KDM1A: variants seen among roughly 807,000 people sequenced by gnomAD.
The protein encoded by KDM1A is lysine-specific histone demethylase 1A.
Under a neutral mutation model 109.4 loss-of-function variants are expected in KDM1A, and 49 were observed. The observed-to-expected ratio is 0.45, with a 90% CI of 0.36 to 0.57. The LOEUF is 0.57. Among genes scored for constraint, KDM1A ranks in the 20% least tolerant of loss-of-function variants. The pLI, the probability that KDM1A is intolerant of heterozygous loss-of-function variation, is 0.00. For missense variants in KDM1A, 668 were observed against 1,116.6 expected, an observed-to-expected ratio of 0.60 and a Z score of 5.73; for synonymous variants, 380 against 415.4, an observed-to-expected ratio of 0.91 and a Z score of 1.04.
At position 23,050,438 on chromosome 1, in the gene KDM1A, C is replaced by A; in HGVS notation, c.629C>A (p.Ser210Tyr). The change falls in exon 4 of 21, where the codon TCT becomes TAT. Residue 210 changes from serine (S) to tyrosine (Y), a missense_variant. Physicochemically the swap from Ser to Tyr is moderately radical, Grantham distance 144 (BLOSUM62 -2). Coordinates refer to ENST00000400181, the MANE Select transcript of KDM1A (RefSeq NM_001009999.3). Reference sequence around the variant, plus strand: ...CGACTTCCTCATGACCGGATGACTTCTCAAGAAGCAGCCTGTTTTCCAGAT... The same window carrying A: ...CGACTTCCTCATGACCGGATGACTTATCAAGAAGCAGCCTGTTTTCCAGAT... ...QSRLPHDRMT[S>Y]QEAACFPDII... 6.2e-7 allele frequency: 1 copy of A among 1,613,656 alleles called. No homozygotes were observed. The highest frequency in any genetic ancestry group is 8.5e-7 in the Non-Finnish European group (1 of 1,179,766).
chr1:23,034,744 A>G (rs923379252), intron 2 of KDM1A, among the ~76,000 whole-genome samples: 3 of 152,338 alleles, frequency 2.0e-5, no homozygotes, highest in East Asian at 1.9e-4. Flanking sequence ...AACTCAAGAT[A>G]CATTCTGAGT....
In KDM1A at chr1:23,019,603, T is replaced by C. The variant is rs777155651; in HGVS notation, c.7T>C (p.Ser3Pro). The C allele has an allele frequency of 7.0e-7, 1 of 1,427,020 alleles. No individual in the cohort carries two copies. Among genetic ancestry groups the C allele is most frequent in the Admixed American group, 2.8e-5 (1 of 35,198 alleles). The allele number at this position is 1,427,020 out of a possible 1,614,324, so 88.4% of individuals were successfully genotyped here. A position where few individuals can be genotyped will look rare whatever the true frequency, so the allele number is the denominator to read the frequency against. Residue 3 changes from serine to proline, a missense_variant, in exon 1 of 21, where the codon TCT becomes CCT. This residue lies in a region of KDM1A where 156 missense variants were observed against 163.4 expected (regional missense o/e 0.95). Transcript: ENST00000400181. ...GGCGGCCCGGCGGCCCGAGATGTTATCTGGGAAGAAGGCGGCAGCCGCGGC... is the reference window on the plus strand; with the variant it reads ...GGCGGCCCGGCGGCCCGAGATGTTACCTGGGAAGAAGGCGGCAGCCGCGGC... The part of the protein sequence containing the change: ML[S>P]GKKAAAAAAA...
intron 2 of KDM1A, among the ~76,000 whole-genome samples, chr1:23,032,264 A>G (rs942470113): frequency 2.6e-5 from 4 of 152,002 alleles, no homozygotes; most frequent in African/African-American, 9.7e-5. Flanking sequence ...TGTCTCCAGT[A>G]AATAATTGAT....
At chr1:23,028,220 C>T (rs748848933) in intron 1 of KDM1A, among the ~76,000 whole-genome samples, 88 of 152,202 alleles carry the variant, frequency 5.8e-4, no homozygotes, top group Non-Finnish European at 1.0e-3. Context: ...GGTGCGATCA[C>T]AGATTGCACC....
chr1:23,063,879 A>G (rs191422044), intron 9 of KDM1A, among the ~76,000 whole-genome samples: 3 of 152,304 alleles, frequency 2.0e-5, no homozygotes, highest in Admixed American at 2.0e-4. Flanking sequence ...CAGTCTCTAT[A>G]GAATCACATT....
intron 5 of KDM1A, among the ~76,000 whole-genome samples, chr1:23,054,594 TG>T (rs1642770494): frequency 6.6e-6 from 1 of 152,112 alleles, no homozygotes; most frequent in African/African-American, 2.4e-5. Context: ...CCATCATGCA[TG>T]GCTAATTCTT....
chr1:23,058,340 A>G (rs1642899315), intron 8 of KDM1A, among the ~76,000 whole-genome samples: 1 of 152,084 alleles, frequency 6.6e-6, no homozygotes, highest in African/African-American at 2.4e-5. Context: ...CGGCCTCCCA[A>G]AGTGCTAGGA....
chr1:23,051,029 G>A (rs1248070244), intron 4 of KDM1A, among the ~76,000 whole-genome samples: 1 of 152,128 alleles, frequency 6.6e-6, no homozygotes, highest in East Asian at 1.9e-4. Context: ...AGGTTGCAGT[G>A]AGCCGAGATC....
Position 23,050,485 on chromosome 1 carries a change from AC to A in KDM1A, c.679del (p.Gln227ArgfsTer23). ...AGATATTATCAGTGGACCACAACAG[AC>A]CCAGAAGGTTTTTCTTTTCATTAGA... Reference protein sequence around the residue: ...FPDIISGPQQTQKVFLFIRNR... With the variant: ...FPDIISGPQQXQKVFLFIRNR... On this transcript the variant is annotated frameshift_variant, in exon 4 of 21. Transcript: ENST00000400181. LOFTEE classifies it high-confidence loss of function. 6.2e-7 allele frequency: 1 copy of A among 1,610,820 alleles called. No homozygotes were observed. Among genetic ancestry groups the A allele is most frequent in the Non-Finnish European group, 8.5e-7 (1 of 1,178,576 alleles).
intron 15 of KDM1A, among the ~76,000 whole-genome samples, chr1:23,076,267 T>A (rs1282700801): frequency 1.3e-5 from 2 of 152,136 alleles, no homozygotes; most frequent in Non-Finnish European, 2.9e-5. Flanking sequence ...AAAAAAATGT[T>A]ACATAGAAAA....
rs755848832 is a variant in KDM1A, at chr1:23,069,161, T to A, written c.1413+10T>A. On this transcript the variant is annotated intron_variant, in intron 12 of 20. Transcript: ENST00000400181. The stretch of plus-strand genomic sequence containing the variant: ...AGAACTTCTTAATAAGGTGAAATTC[T>A]GTATTTTCTTCATAGCTGAAGAAGC... The A allele has an allele frequency of 3.3e-6, 5 of 1,518,348 alleles. No individual in the cohort carries two copies. In the African/African-American group the frequency reaches 6.9e-5, roughly 21 times the overall value. The allele number at this position is 1,518,348 out of a possible 1,614,324, so 94.1% of individuals were successfully genotyped here.
chr1:23,078,213 G>A (rs940638318), intron 16 of KDM1A, among the ~76,000 whole-genome samples: 4 of 152,116 alleles, frequency 2.6e-5, no homozygotes, highest in Non-Finnish European at 5.9e-5. Context: ...TCCCATCAGA[G>A]GCAGCTTGTA....
intron 2 of KDM1A, among the ~76,000 whole-genome samples, chr1:23,031,643 T>C (rs1277908354): frequency 6.6e-6 from 1 of 152,156 alleles, no homozygotes; most frequent in Non-Finnish European, 1.5e-5. Context: ...TACTGATGCT[T>C]CACTTTAGGG....
chr1:23,076,198 G>A (rs1430810775), intron 15 of KDM1A, among the ~76,000 whole-genome samples: 1 of 152,092 alleles, frequency 6.6e-6, no homozygotes, highest in African/African-American at 2.4e-5. Flanking sequence ...TGCCAGCCCA[G>A]TATTTTGATC....
At position 23,079,480 on chromosome 1, in the gene KDM1A, C is replaced by T; in HGVS notation, c.2056-73C>T. 8.9e-7 allele frequency: 1 copy of T among 1,119,198 alleles called. No homozygotes were observed. The highest frequency in any genetic ancestry group is 1.3e-6 in the Non-Finnish European group (1 of 755,230). 69.3% of individuals were successfully genotyped at this position (1,119,198 alleles called of 1,614,324 possible). On this transcript the variant is annotated intron_variant, in intron 17 of 20. Transcript: ENST00000400181. The surrounding 1 kb of genome is among the most constrained non-coding windows in gnomAD (Gnocchi z 5.6). Reference sequence around the variant, plus strand: ...TATTTTGAAAGCAGATTAGAAGAGACTTTAAGGAAGTCTGTTGAAGCCAGT... The same window carrying T: ...TATTTTGAAAGCAGATTAGAAGAGATTTTAAGGAAGTCTGTTGAAGCCAGT...
rs1391032134 is a variant in KDM1A at position 23,079,461 on chromosome 1, G to C, written c.2056-92G>C. 3.2e-6 allele frequency: 3 copies of C among 947,334 alleles called. No homozygotes were observed. The highest frequency in any genetic ancestry group is 4.9e-6 in the Non-Finnish European group (3 of 613,334). The allele number at this position is 947,334 out of a possible 1,614,324, so 58.7% of individuals were successfully genotyped here. A position where few individuals can be genotyped will look rare whatever the true frequency, so the allele number is the denominator to read the frequency against. Reference sequence around the variant, plus strand: ...TAATAAGGATTGCTGGGCTTATTTTGAAAGCAGATTAGAAGAGACTTTAAG... The same window carrying C: ...TAATAAGGATTGCTGGGCTTATTTTCAAAGCAGATTAGAAGAGACTTTAAG... On this transcript the variant is annotated intron_variant, in intron 17 of 20. Transcript: ENST00000400181. This position sits in a 1 kb window ranked among gnomAD's most constrained non-coding sequence, Gnocchi z 5.6.
chr1:23,067,862 C>T (rs1019178444), intron 10 of KDM1A, among the ~76,000 whole-genome samples: 7 of 152,316 alleles, frequency 4.6e-5, no homozygotes, highest in Non-Finnish European at 5.9e-5. Flanking sequence ...ACCTGCTTTG[C>T]AATCTGTTTG....
At chr1:23,066,485 A>G (rs1333087480) in intron 10 of KDM1A, among the ~76,000 whole-genome samples, 1 of 152,208 alleles carries the variant, frequency 6.6e-6, no homozygotes, top group Non-Finnish European at 1.5e-5. Flanking sequence ...TTGTCATCCT[A>G]GTTGCAAAGA....
chr1:23,030,875 C>T (rs1641962039), intron 2 of KDM1A, among the ~76,000 whole-genome samples: 1 of 151,730 alleles, frequency 6.6e-6, no homozygotes, highest in African/African-American at 2.4e-5. Flanking sequence ...TGTACATATA[C>T]AGGAGGAAAG....
Sources: allele counts gnomAD v4.1 joint callset (sites outside exome capture counted in the v4.1 genomes callset), GRCh38; gene constraint gnomAD v4.1.1; regional missense constraint gnomAD v4.1.1; non-coding constraint Gnocchi (gnomAD v3.1); transcripts MANE v1.5; gene names NCBI Gene and HGNC (gene_info 2026-07-23, HGNC 2026-07-21).